LNX1: variants seen among roughly 807,000 people sequenced by gnomAD.
LNX1 encodes ligand of numb-protein X 1.
LNX1 carries 54 observed loss-of-function variants against 68.4 expected under a neutral mutation model. The ratio of observed to expected loss-of-function variants is 0.79; its 90% CI spans 0.63 to 0.99. The LOEUF (loss-of-function observed/expected upper bound fraction) is 0.99. LNX1 is among the 50% of genes least tolerant of loss of function. The probability of loss-of-function intolerance (pLI) is 0.00; values close to 1 mark genes in which losing one functional copy is unlikely to be tolerated. For synonymous variants in LNX1, 336 were observed against 350.0 expected (o/e 0.96, Z 0.45); for missense variants, 906 against 926.4 (o/e 0.98, Z 0.29).
intron 4 of LNX1, among the ~76,000 whole-genome samples, chr4:53,499,083 C>G (rs1171744851): frequency 6.6e-6 from 1 of 152,182 alleles, no homozygotes; most frequent in African/African-American, 2.4e-5. Flanking sequence ...ATTCCTCCTT[C>G]CCTTGCTCTA....
intron 9 of LNX1, among the ~76,000 whole-genome samples, chr4:53,472,685 CAAA>C (rs1309297098): frequency 2.7e-5 from 2 of 74,774 alleles, no homozygotes; most frequent in South Asian, 5.9e-4. Flanking sequence ...ACAACAACAA[CAAA>C]AAAAAAAAAA....
intron 1 of LNX1, among the ~76,000 whole-genome samples, chr4:53,577,518 A>G (rs1731568956): frequency 6.6e-6 from 1 of 152,184 alleles, no homozygotes; most frequent in African/African-American, 2.4e-5. Flanking sequence ...AGATCTTCCA[A>G]GGGAGTGGAG....
At chr4:53,625,842 CCCGT>C (rs58497446) in intron 1 of LNX1, among the ~76,000 whole-genome samples, 1,238 of 50,532 alleles carry the variant, frequency 0.024, 20 homozygotes, top group African/African-American at 0.062. Context: ...GCAATTCCAC[CCCGT>C]GTGTGTGTGT....
In LNX1 at chr4:53,496,323, C is replaced by T. The variant is rs747802822; in HGVS notation, c.1050G>A (p.Val350=). 3.7e-6 allele frequency: 6 copies of T among 1,614,044 alleles called. No homozygotes were observed. The highest frequency in any genetic ancestry group is 2.2e-5 in the East Asian group (1 of 44,892). ...AVRLLRQPCQ[V]LWLTVMREQK... ...GTTCACGCATCACAGTCAGCCACAG[C>T]ACCTGGCAGGGCTGCCGCAGGAGAC... The change falls in exon 6 of 11, where the codon GTG becomes GTA. Residue 350 remains valine (V), a synonymous_variant. Coordinates refer to ENST00000263925, the MANE Select transcript of LNX1 (RefSeq NM_001126328.3).
Position 53,582,600 on chromosome 4 carries a change from C to T in LNX1, c.-86-8512G>A, listed in dbSNP as rs1482220584. Among the ~76,000 whole-genome samples, 11 of 152,354 alleles carry T rather than the reference C, an allele frequency of 7.2e-5. No homozygotes were observed. The East Asian group carries it at 2.1e-3, about 29-fold the overall frequency. Reference sequence around the variant, plus strand: ...GTTATTCAAAATATTTTACTCCCTTCAGCCAACCTCTTGTTTTACAGCATG... The same window carrying T: ...GTTATTCAAAATATTTTACTCCCTTTAGCCAACCTCTTGTTTTACAGCATG... On this transcript the variant is annotated intron_variant, in intron 1 of 10. Coordinates refer to ENST00000263925, the MANE Select transcript of LNX1 (RefSeq NM_001126328.3).
intron 9 of LNX1, among the ~76,000 whole-genome samples, chr4:53,474,676 C>T (rs1194216130): frequency 1.3e-5 from 2 of 152,152 alleles, no homozygotes; most frequent in Non-Finnish European, 2.9e-5. Flanking sequence ...CCAGGAATCT[C>T]CAGGGTTCTG....
At chr4:53,529,415 G>A (rs770631954) in intron 2 of LNX1, among the ~76,000 whole-genome samples, 25 of 152,162 alleles carry the variant, frequency 1.6e-4, no homozygotes, top group Non-Finnish European at 3.2e-4. Context: ...GGTAACGTGG[G>A]TGCTGATTTT....
rs754589951 is a variant in LNX1 at position 53,508,120 on chromosome 4, T to G, written c.488A>C (p.Glu163Ala). The G allele has an allele frequency of 1.2e-6, 2 of 1,614,102 alleles. No homozygotes were observed. The highest frequency in any genetic ancestry group is 2.2e-5 in the South Asian group (2 of 91,076). ...ASLTATAPSP[E>A]VSAAATISLM... ...GGAGATGGTGGCAGCTGCAGAAACCTCTGGGGAGGGAGCCGTGGCTGTGAG... is the reference window on the plus strand; with the variant it reads ...GGAGATGGTGGCAGCTGCAGAAACCGCTGGGGAGGGAGCCGTGGCTGTGAG... Residue 163 changes from glutamate (E) to alanine (A), a missense_variant, in exon 3 of 11, where the codon GAG (glutamate) becomes GCG (alanine). Glu to Ala is a moderately radical substitution (Grantham distance 107). Transcript: ENST00000263925.
intron 2 of LNX1, among the ~76,000 whole-genome samples, chr4:53,611,221 A>G (rs1322789618): frequency 2.0e-5 from 3 of 151,538 alleles, no homozygotes; most frequent in East Asian, 3.9e-4. Context: ...AAAAGGAATG[A>G]AAAAAAAAGT....
intron 2 of LNX1, among the ~76,000 whole-genome samples, chr4:53,545,530 A>T (rs1310696506): frequency 6.6e-6 from 1 of 152,198 alleles, no homozygotes; most frequent in African/African-American, 2.4e-5. Flanking sequence ...CATCAGTGAG[A>T]TGGGGAGCCA....
intron 2 of LNX1, among the ~76,000 whole-genome samples, chr4:53,563,719 G>A (rs561428207): frequency 6.6e-6 from 1 of 152,194 alleles, no homozygotes; most frequent in African/African-American, 2.4e-5. Flanking sequence ...ATTTTTGGTA[G>A]AGACGGGGTT....
At chr4:53,479,394 C>G (rs976420585) in intron 7 of LNX1, among the ~76,000 whole-genome samples, 1 of 152,218 alleles carries the variant, frequency 6.6e-6, no homozygotes, top group African/African-American at 2.4e-5. Flanking sequence ...GCCTTGCCTG[C>G]GGTGAGCAAG....
intron 2 of LNX1, among the ~76,000 whole-genome samples, chr4:53,563,412 T>C (rs188059147): frequency 2.0e-4 from 30 of 152,314 alleles, no homozygotes; most frequent in Admixed American, 1.8e-3. Flanking sequence ...CCAGAGGTAT[T>C]AACTACTTCT....
chr4:53,610,579 G>C (rs1450507352), intron 2 of LNX1, among the ~76,000 whole-genome samples: 2 of 151,830 alleles, frequency 1.3e-5, no homozygotes, highest in Non-Finnish European at 2.9e-5. Flanking sequence ...GTGGTGGTGG[G>C]CACCTGTAGT....
chr4:53,583,772 C>T (rs75514385), intron 1 of LNX1, among the ~76,000 whole-genome samples: 1,606 of 152,268 alleles, frequency 0.011, 35 homozygotes, highest in African/African-American at 0.037. Flanking sequence ...GAATGCCTTT[C>T]ATAAGCAGGT....
At chr4:53,519,161 C>T (rs1255252876) in intron 2 of LNX1, among the ~76,000 whole-genome samples, 1 of 152,250 alleles carries the variant, frequency 6.6e-6, no homozygotes, top group African/African-American at 2.4e-5. Flanking sequence ...GCTCCAAACA[C>T]AGGCAGCAAG....
chr4:53,588,842 G>C (rs1472928517), intron 1 of LNX1, among the ~76,000 whole-genome samples: 1 of 152,136 alleles, frequency 6.6e-6, no homozygotes, highest in Non-Finnish European at 1.5e-5. Flanking sequence ...TGAAGGGCGA[G>C]ACCCAGAGAA....
intron 2 of LNX1, among the ~76,000 whole-genome samples, chr4:53,512,376 A>G (rs550222739): frequency 0.053 from 584 of 11,102 alleles, 5 homozygotes; most frequent in Middle Eastern, 0.17. Context: ...ATCTCTGGTA[A>G]TTAAAAAAAA....
At chr4:53,594,854 G>A (rs1732682265), upstream of LNX1, among the ~76,000 whole-genome samples, 1 of 151,992 alleles carries the variant, frequency 6.6e-6, no homozygotes, top group Non-Finnish European at 1.5e-5. Flanking sequence ...TGGGACCACA[G>A]GCACGTGCCA....
Sources: allele counts gnomAD v4.1 joint callset (sites outside exome capture counted in the v4.1 genomes callset), GRCh38; gene constraint gnomAD v4.1.1; transcripts MANE v1.5; gene names NCBI Gene and HGNC (gene_info 2026-07-23, HGNC 2026-07-21).